Variants in PHYHIPL observed in about 807,000 individuals in gnomAD.
PHYHIPL encodes the protein phytanoyl-CoA 2-hydroxylase interacting protein like.
In PHYHIPL, 9 loss-of-function variants were observed where a neutral mutation model predicts 33.4. The ratio of observed to expected loss-of-function variants is 0.27; its 90% CI spans 0.16 to 0.47. The LOEUF is 0.47. Ranked by LOEUF, PHYHIPL falls within the 20% of genes least tolerant of loss-of-function variation. The probability of loss-of-function intolerance (pLI) is 0.99; values close to 1 mark genes in which losing one functional copy is unlikely to be tolerated. For synonymous variants in PHYHIPL, 153 were observed against 154.1 expected (o/e 0.99, Z 0.05); for missense variants, 365 against 460.7 (o/e 0.79, Z 1.90).
intron 4 of PHYHIPL, among the ~76,000 whole-genome samples, chr10:59,239,714 A>T (rs1253669567): frequency 2.0e-5 from 3 of 151,992 alleles, no homozygotes; most frequent in Non-Finnish European, 4.4e-5. Context: ...TGTAGAAGAA[A>T]ATTTGAAGAG....
At chr10:59,212,898 G>A (rs553061541) in intron 1 of PHYHIPL, among the ~76,000 whole-genome samples, 1 of 152,174 alleles carries the variant, frequency 6.6e-6, no homozygotes, top group African/African-American at 2.4e-5. Flanking sequence ...GTACAACATA[G>A]ATAATAAATT....
chr10:59,197,454 G>A (rs1838950550), intron 1 of PHYHIPL, among the ~76,000 whole-genome samples: 1 of 152,228 alleles, frequency 6.6e-6, no homozygotes, highest in East Asian at 1.9e-4. Flanking sequence ...TTTGGCATCT[G>A]TTACCCTGTT....
rs138908332 is a variant in PHYHIPL at position 59,225,390 on chromosome 10, C to T, written c.107-8914C>T. 4.1e-3 allele frequency among the ~76,000 whole-genome samples: 629 copies of T among 151,928 alleles called. 6 individuals carry two copies. The highest frequency in any genetic ancestry group is 0.011 in the African/African-American group (474 of 41,516). On this transcript the variant is annotated intron_variant, in intron 1 of 4. Transcript: ENST00000373880. ...GTGAAGGATGGACAGCTAGCAACTTCACTTGGAATTTTCCTTGTTGCCATG... is the reference window on the plus strand; with the variant it reads ...GTGAAGGATGGACAGCTAGCAACTTTACTTGGAATTTTCCTTGTTGCCATG...
At chr10:59,244,026 G>C (rs1452552886) in intron 4 of PHYHIPL, among the ~76,000 whole-genome samples, 3 of 152,144 alleles carry the variant, frequency 2.0e-5, no homozygotes, top group Non-Finnish European at 4.4e-5. Flanking sequence ...CTAAAGCGTG[G>C]AGGAAATACA....
chr10:59,186,937 T>C (rs1838624409), intron 1 of PHYHIPL, among the ~76,000 whole-genome samples: 1 of 152,218 alleles, frequency 6.6e-6, no homozygotes, highest in Admixed American at 6.5e-5. Flanking sequence ...CCTCTTTTCC[T>C]AATTGAATGC....
chr10:59,180,320 A>G (rs1312168873), intron 1 of PHYHIPL, among the ~76,000 whole-genome samples: 152 of 15,856 alleles, frequency 9.6e-3, no homozygotes, highest in African/African-American at 0.031. Context: ...AAAAGTATAT[A>G]TATATATATA....
intron 1 of PHYHIPL, among the ~76,000 whole-genome samples, chr10:59,200,962 G>T (rs1044124602): frequency 5.9e-5 from 9 of 151,818 alleles, no homozygotes; most frequent in Non-Finnish European, 8.8e-5. Context: ...TTCTTTATTA[G>T]TCTTGCTAGC....
intron 1 of PHYHIPL, among the ~76,000 whole-genome samples, chr10:59,179,553 G>A (rs1838343134): frequency 6.6e-6 from 1 of 152,050 alleles, no homozygotes; most frequent in Non-Finnish European, 1.5e-5. Context: ...GGAAAGTATA[G>A]TTATGTTCTC....
intron 1 of PHYHIPL, chr10:59,219,285 A>G: frequency 1.1e-6 from 1 of 889,056 alleles, no homozygotes; most frequent in Non-Finnish European, 1.3e-6. Context: ...GTGTTTCTGC[A>G]CATGGAAGAT....
chr10:59,234,241 T>C (rs1217231943), intron 1 of PHYHIPL, 63 bp from the exon 2 acceptor site: 1 of 1,295,788 alleles, frequency 7.7e-7, no homozygotes, highest in Non-Finnish European at 1.1e-6. Flanking sequence ...AATCCATTAA[T>C]TGGAAATAAA....
chr10:59,212,308 A>G (rs1466245188), intron 1 of PHYHIPL, among the ~76,000 whole-genome samples: 2 of 152,238 alleles, frequency 1.3e-5, no homozygotes, highest in African/African-American at 4.8e-5. Context: ...AAAACAGATG[A>G]AGAGCTTATT....
chr10:59,182,037 T>C (rs1361673508), intron 1 of PHYHIPL, among the ~76,000 whole-genome samples: 1 of 152,260 alleles, frequency 6.6e-6, no homozygotes, highest in Non-Finnish European at 1.5e-5. Flanking sequence ...AATGTTGCTT[T>C]TTCCTCTAAC....
At chr10:59,224,478 A>AACAAAACAAAACAAAACAAAACAAAAC (rs1459062558) in intron 1 of PHYHIPL, among the ~76,000 whole-genome samples, 5 of 150,380 alleles carry the variant, frequency 3.3e-5, no homozygotes, top group African/African-American at 1.2e-4. Context: ...AACAAAACAA[A>AACAAAACAAAACAAAACAAAACAAAAC]ACAAAACAAA....
chr10:59,237,743 T>C (rs1840268919), intron 3 of PHYHIPL, among the ~76,000 whole-genome samples: 1 of 151,834 alleles, frequency 6.6e-6, no homozygotes, highest in South Asian at 2.1e-4. Context: ...TATGACAGGG[T>C]TTAAAACCCT....
At chr10:59,219,494 A>G (rs1011188882) in intron 1 of PHYHIPL, among the ~76,000 whole-genome samples, 2 of 152,176 alleles carry the variant, frequency 1.3e-5, no homozygotes, top group Non-Finnish European at 2.9e-5. Context: ...TTGTATCAAT[A>G]ATAGCTTTTG....
intron 1 of PHYHIPL, among the ~76,000 whole-genome samples, chr10:59,222,619 A>G (rs117420879): frequency 6.6e-6 from 1 of 152,098 alleles, no homozygotes; most frequent in African/African-American, 2.4e-5. Context: ...CTAAAATATC[A>G]TCACATAAAA....
intron 1 of PHYHIPL, among the ~76,000 whole-genome samples, chr10:59,212,462 G>T (rs2133241604): frequency 6.6e-6 from 1 of 152,286 alleles, no homozygotes; most frequent in East Asian, 1.9e-4. Flanking sequence ...GTAACAAGTA[G>T]CCCAGTCTCA....
intron 1 of PHYHIPL, among the ~76,000 whole-genome samples, chr10:59,207,860 C>T (rs1839329996): frequency 6.7e-6 from 1 of 149,892 alleles, no homozygotes; most frequent in Admixed American, 6.7e-5. Context: ...CACTGCACTC[C>T]AGCCTGGGTG....
upstream of PHYHIPL, chr10:59,176,558 TA>T (rs1838254975): frequency 3.8e-5 from 3 of 78,616 alleles, no homozygotes; most frequent in African/African-American, 2.7e-4. Flanking sequence ...CGAAGCCCTA[TA>T]CATCACGTTC....
Sources: allele counts gnomAD v4.1 joint callset (sites outside exome capture counted in the v4.1 genomes callset), GRCh38; gene constraint gnomAD v4.1.1; transcripts MANE v1.5; gene names NCBI Gene and HGNC (gene_info 2026-07-23, HGNC 2026-07-21).